The following XPO6 variants were observed in gnomAD, a reference collection of about 807,000 sequenced individuals.
The protein encoded by XPO6 is exportin-6.
Under a neutral mutation model 130.0 loss-of-function variants are expected in XPO6, and 3 were observed. The ratio of observed to expected loss-of-function variants is 0.02; its 90% CI spans 0.01 to 0.06. The LOEUF is 0.06. XPO6 is among the 10% of genes least tolerant of loss of function. XPO6 has a pLI of 1.00. For synonymous variants in XPO6, 524 were observed against 548.9 expected (o/e 0.95, Z 0.63); for missense variants, 970 against 1,393.0 (o/e 0.70, Z 4.83).
chr16:28,178,140 A>G (rs965472406), intron 2 of XPO6, among the ~76,000 whole-genome samples: 2 of 152,220 alleles, frequency 1.3e-5, no homozygotes, highest in Non-Finnish European at 2.9e-5. Context: ...AAAAGTGCAA[A>G]GGCCCACAAC....
intron 1 of XPO6, among the ~76,000 whole-genome samples, chr16:28,186,329 G>A (rs545316582): frequency 5.1e-5 from 7 of 137,728 alleles, no homozygotes; most frequent in East Asian, 4.1e-4. Context: ...GTACTTTACC[G>A]CCAGATAAAT....
Position 28,211,328 on chromosome 16 carries a change from G to C in XPO6, c.3+38C>G, listed in dbSNP as rs1003761441. The C allele has an allele frequency of 3.8e-6, 5 of 1,311,376 alleles. No individual in the cohort carries two copies. In the African/African-American group the frequency reaches 6.0e-5, roughly 16 times the overall value. The allele number at this position is 1,311,376 out of a possible 1,614,324, so 81.2% of individuals were successfully genotyped here. ...GGGCCCATTCCCACCCTTCCGGTAG[G>C]GCACCCCAGGAGGGAAGGGGGCTCC... is the stretch of plus-strand genomic sequence containing the variant. On this transcript the variant is annotated intron_variant, in intron 1 of 23. Transcript: ENST00000304658.
chr16:28,147,210 AAC>A, intron 8 of XPO6, among the ~76,000 whole-genome samples: 1 of 152,340 alleles, frequency 6.6e-6, no homozygotes, highest in East Asian at 1.9e-4. Context: ...AGAAATAACT[AAC>A]AATGGGTGGT....
At chr16:28,113,481 T>A (rs1191660719) in intron 15 of XPO6, among the ~76,000 whole-genome samples, 1 of 152,204 alleles carries the variant, frequency 6.6e-6, no homozygotes, top group Admixed American at 6.5e-5. Flanking sequence ...TCCTACTGCT[T>A]TCCCTTCAGC....
At position 28,133,843 on chromosome 16, in the gene XPO6, G is replaced by T. The variant is rs777152924; in HGVS notation, c.1534C>A (p.Leu512Met). 1.2e-6 allele frequency: 2 copies of T among 1,614,054 alleles called. No homozygotes were observed. Among genetic ancestry groups the T allele is most frequent in the East Asian group, 4.5e-5 (2 of 44,876 alleles). Reference protein sequence around the residue: ...ELLPTHAFSTLFPVLQDNLEV... With the variant: ...ELLPTHAFSTMFPVLQDNLEV... The stretch of plus-strand genomic sequence containing the variant: ...CACTCCCCCGGACAGCACATTACCA[G>T]TGTGGAGAAGGCGTGCGTGGGCAGG... Residue 512 changes from leucine (L) to methionine (M), a missense_variant and splice_region_variant, in exon 11 of 24, where the codon CTG becomes ATG. Leu to Met is a conservative substitution (Grantham distance 15). Transcript: ENST00000304658.
chr16:28,199,770 G>A (rs551458055), intron 1 of XPO6, among the ~76,000 whole-genome samples: 1 of 151,800 alleles, frequency 6.6e-6, no homozygotes, highest in Non-Finnish European at 1.5e-5. Context: ...GGTCTCGAAC[G>A]CCTGACCTTG....
At chr16:28,163,123 T>C (rs1404785936) in intron 6 of XPO6, among the ~76,000 whole-genome samples, 2 of 152,182 alleles carry the variant, frequency 1.3e-5, no homozygotes, top group African/African-American at 4.8e-5. Context: ...ACCACAGCTC[T>C]AACTGCAGCC....
chr16:28,174,913 C>T (rs950777967), intron 4 of XPO6, among the ~76,000 whole-genome samples: 2 of 152,170 alleles, frequency 1.3e-5, no homozygotes, highest in African/African-American at 4.8e-5. Context: ...GCAACAGCAT[C>T]TCCCTCGTAG....
At chr16:28,129,978 T>A (rs2042633232) in intron 12 of XPO6, among the ~76,000 whole-genome samples, 1 of 152,122 alleles carries the variant, frequency 6.6e-6, no homozygotes, top group South Asian at 2.1e-4. Flanking sequence ...TTAACCCACA[T>A]AAGGTAGAAA....
intron 9 of XPO6, among the ~76,000 whole-genome samples, chr16:28,137,988 T>C (rs899468380): frequency 5.9e-5 from 9 of 152,086 alleles, no homozygotes; most frequent in African/African-American, 2.2e-4. Context: ...TACTTGCCCA[T>C]ATCCAGCAAT....
At chr16:28,199,871 C>T (rs1368771393) in intron 1 of XPO6, among the ~76,000 whole-genome samples, 2 of 151,262 alleles carry the variant, frequency 1.3e-5, no homozygotes, top group Non-Finnish European at 2.9e-5. Flanking sequence ...AAAGGCCTTC[C>T]CTGGGCCGGG....
chr16:28,125,932 C>CAA (rs1248930621), intron 12 of XPO6, 84 bp from the exon 13 acceptor site: 1 of 1,513,190 alleles, frequency 6.6e-7, no homozygotes, highest in African/African-American at 1.4e-5. Flanking sequence ...GCAAGCCACA[C>CAA]ACAGCAAAAC....
At chr16:28,190,784 G>A (rs1365586240) in intron 1 of XPO6, among the ~76,000 whole-genome samples, 1 of 152,086 alleles carries the variant, frequency 6.6e-6, no homozygotes, top group Admixed American at 6.5e-5. Context: ...ATAGGGCAAT[G>A]GACCATGACA....
At chr16:28,138,183 G>A (rs1180499706) in intron 9 of XPO6, among the ~76,000 whole-genome samples, 20 of 152,086 alleles carry the variant, frequency 1.3e-4, no homozygotes, top group Non-Finnish European at 1.5e-5. Context: ...CCATAGAAAG[G>A]TAAGATCAAA....
At chr16:28,146,680 C>A (rs573392352) in intron 8 of XPO6, among the ~76,000 whole-genome samples, 1 of 152,264 alleles carries the variant, frequency 6.6e-6, no homozygotes, top group Non-Finnish European at 1.5e-5. Flanking sequence ...CAGGTTCACA[C>A]ATTTGAATGT....
At chr16:28,107,056 C>T (rs576139800) in intron 18 of XPO6, among the ~76,000 whole-genome samples, 5 of 152,202 alleles carry the variant, frequency 3.3e-5, no homozygotes, top group East Asian at 3.8e-4. Context: ...CCTAACTGCA[C>T]GCAATCTGCT....
At chr16:28,178,064 T>C (rs1010534810) in intron 2 of XPO6, among the ~76,000 whole-genome samples, 2 of 152,186 alleles carry the variant, frequency 1.3e-5, no homozygotes, top group African/African-American at 2.4e-5. Context: ...ATCATGTTTC[T>C]GGACATGCTG....
chr16:28,147,650 G>A (rs925975224), intron 8 of XPO6, among the ~76,000 whole-genome samples: 1 of 152,120 alleles, frequency 6.6e-6, no homozygotes, highest in Admixed American at 6.6e-5. Flanking sequence ...TAAGCCACAT[G>A]GAAATGATAC....
chr16:28,136,855 C>T (rs2042788886), intron 9 of XPO6, among the ~76,000 whole-genome samples: 1 of 152,234 alleles, frequency 6.6e-6, no homozygotes, highest in African/African-American at 2.4e-5. Flanking sequence ...CAGAGCAAAC[C>T]ACCAGTGCTG....
Sources: gnomAD v4.1 joint callset for allele counts (sites outside exome capture counted in the v4.1 genomes callset) on GRCh38, gnomAD v4.1.1 for gene constraint, MANE v1.5 for transcripts, NCBI Gene and HGNC (gene_info 2026-07-23, HGNC 2026-07-21) for gene names.